Variants in RRP1 observed in about 807,000 individuals in gnomAD.
RRP1 encodes ribosomal RNA processing 1.
RRP1 carries 37 observed loss-of-function variants against 54.6 expected under a neutral mutation model. The ratio of observed to expected loss-of-function variants is 0.68; its 90% confidence interval spans 0.52 to 0.89. RRP1 has a LOEUF of 0.89. RRP1 is among the 40% of genes least tolerant of loss of function. The pLI is 0.00. For missense variants in RRP1, 639 were observed against 612.5 expected (o/e 1.04, Z -0.46); for synonymous variants, 262 against 244.3 (o/e 1.07, Z -0.67).
chr21:43,799,914 AG>A (rs1368418450), intron 9 of RRP1, among the ~76,000 whole-genome samples: 1 of 152,156 alleles, frequency 6.6e-6, no homozygotes, highest in Non-Finnish European at 1.5e-5. Flanking sequence ...TGCATTATCC[AG>A]GGCTGGCCTC....
intron 12 of RRP1, 42 bp from the exon 13 acceptor site, chr21:43,803,470 T>C: frequency 6.6e-7 from 1 of 1,506,898 alleles, no homozygotes; most frequent in Non-Finnish European, 8.9e-7. Flanking sequence ...AAAGAGCCCG[T>C]GTTGGCATTC....
Position 43,789,905 on chromosome 21 carries a change from G to C in RRP1, c.133+143G>C, listed in dbSNP as rs1601863999. The C allele has an allele frequency of 3.9e-6, 4 of 1,036,970 alleles. No individual in the cohort carries two copies. The East Asian group carries it at 1.3e-4, about 34-fold the overall frequency. 64.2% of individuals were successfully genotyped at this position (1,036,970 alleles called of 1,614,324 possible). A position where few individuals can be genotyped will look rare whatever the true frequency, so the allele number is the denominator to read the frequency against. On this transcript the variant is annotated intron_variant, in intron 1 of 12. Transcript: ENST00000497547. ...CCGGGCAGGCGGGGTCCACTGGCCTGTTCCCGCTGTTACCGGCCCACGGCC... is the reference window on the plus strand; with the variant it reads ...CCGGGCAGGCGGGGTCCACTGGCCTCTTCCCGCTGTTACCGGCCCACGGCC...
intron 4 of RRP1, 44 bp downstream of exon 4, chr21:43,793,448 T>C (rs1186342351): frequency 6.5e-7 from 1 of 1,546,642 alleles, no homozygotes; most frequent in African/African-American, 1.4e-5. Context: ...GCAGCGCGGG[T>C]CTCAGTGCCT....
rs200848950 is a variant in RRP1, at chr21:43,789,612, G to C, written c.-18G>C. The C allele has an allele frequency of 5.0e-6, 8 of 1,585,596 alleles. No homozygotes were observed. The South Asian group carries it at 8.0e-5, about 16-fold the overall frequency. On this transcript the variant is annotated 5_prime_UTR_variant, in exon 1 of 13. Transcript: ENST00000497547. ...GTACCAGGCGACTCCGGGACAGGGG[G>C]TCTCGGCCGTCGGCGTCATGGTTTC...
At chr21:43,802,058 C>G (rs974363857) in intron 11 of RRP1, among the ~76,000 whole-genome samples, 8 of 152,160 alleles carry the variant, frequency 5.3e-5, no homozygotes, top group Admixed American at 5.2e-4. Context: ...GTCCTGGATG[C>G]TCCAGGAACT....
At chr21:43,791,267 A>G (rs547881862) in intron 1 of RRP1, 83 bp from the exon 2 acceptor site, 2 of 1,417,556 alleles carry the variant, frequency 1.4e-6, no homozygotes, top group African/African-American at 1.4e-5. Context: ...GGTCTCATTC[A>G]GGCAGTCACG....
chr21:43,797,059 C>T (rs1482368669), intron 5 of RRP1, among the ~76,000 whole-genome samples: 2 of 152,222 alleles, frequency 1.3e-5, no homozygotes, highest in East Asian at 1.9e-4. Flanking sequence ...TGGAGAGGAA[C>T]ACCAGGCAGG....
Position 43,798,101 on chromosome 21 carries a change from G to T in RRP1, c.811+1G>T, listed in dbSNP as rs770778757. On this transcript the variant is annotated splice_donor_variant, in intron 8 of 12. Transcript: ENST00000497547. LOFTEE classifies it high-confidence loss of function. ...AAGAGGTCTGAGAAGCCGCCCGCAG[G>T]TGGGGGTCACACTGCGCCTGGCTTC... 5.0e-6 allele frequency: 8 copies of T among 1,607,464 alleles called. No individual in the cohort carries two copies. The African/African-American group carries it at 8.0e-5, about 16-fold the overall frequency.
In RRP1 at chr21:43,803,662, G is replaced by C. The variant is rs375793237; in HGVS notation, c.1274G>C (p.Arg425Pro). ...RALLRDQPRG[R>P]GQRGARQRRR... Reference sequence around the variant, plus strand: ...CTGCTCCGAGATCAGCCCAGGGGCCGTGGCCAGAGAGGGGCTCGCCAGAGA... The same window carrying C: ...CTGCTCCGAGATCAGCCCAGGGGCCCTGGCCAGAGAGGGGCTCGCCAGAGA... Residue 425 changes from arginine (R) to proline (P), a missense_variant, in exon 13 of 13, where the codon CGT becomes CCT. Coordinates refer to ENST00000497547, the MANE Select transcript of RRP1 (RefSeq NM_003683.6). 1 of 1,551,810 alleles carries C rather than the reference G, an allele frequency of 6.4e-7. No individual in the cohort carries two copies. The highest frequency in any genetic ancestry group is 2.4e-5 in the East Asian group (1 of 41,128).
intron 4 of RRP1, among the ~76,000 whole-genome samples, chr21:43,794,164 C>T (rs1159154797): frequency 6.6e-6 from 1 of 152,138 alleles, no homozygotes; most frequent in African/African-American, 2.4e-5. Flanking sequence ...ATTGTGCAGA[C>T]AGCATATATA....
intron 1 of RRP1, 140 bp from the exon 2 acceptor site, chr21:43,791,210 A>G (rs1256342541): frequency 7.3e-6 from 6 of 819,776 alleles, no homozygotes; most frequent in Non-Finnish European, 1.3e-5. Context: ...TTTGAAGGGG[A>G]GGGCCAGATT....
rs569465294 is a variant in RRP1, at chr21:43,794,551, C to T, written c.361-638C>T. Among the ~76,000 whole-genome samples the T allele has an allele frequency of 3.3e-5, 5 of 152,280 alleles. No homozygotes were observed. In the South Asian group the frequency reaches 8.3e-4, roughly 25 times the overall value. On this transcript the variant is annotated intron_variant, in intron 4 of 12. Coordinates refer to ENST00000497547, the MANE Select transcript of RRP1 (RefSeq NM_003683.6). ...TGTCATCGGGGCTCCTGGGGGTCCG[C>T]GTGTCCTCTGCTGCTACTGACTGCA...
At position 43,800,905 on chromosome 21, in the gene RRP1, A is replaced by G. The variant is rs114739249; in HGVS notation, c.1009+24A>G. The G allele has an allele frequency of 6.6e-4, 1,070 of 1,613,468 alleles. 6 individuals are homozygous for G. The African/African-American group carries it at 0.013, about 19-fold the overall frequency. ...AGGTGAGGATCGGCCGGGCACTGACAGTGGCACCACCTTGGAGGTGGAGCT... is the reference window on the plus strand; with the variant it reads ...AGGTGAGGATCGGCCGGGCACTGACGGTGGCACCACCTTGGAGGTGGAGCT... On this transcript the variant is annotated intron_variant, in intron 11 of 12. Transcript: ENST00000497547.
chr21:43,802,605 C>G (rs1569018718), intron 12 of RRP1: 1 of 535,110 alleles, frequency 1.9e-6, no homozygotes. Context: ...GTCTGCAGCT[C>G]CCCCGAGCTG....
rs753029590 is a variant in RRP1, at chr21:43,802,437, G to A, written c.1123+50G>A. ...ATGGAGCCGGCGTCCTCACCTGCTT[G>A]CTTCTCCCCTGGATGGGGGTCACCT... On this transcript the variant is annotated intron_variant, in intron 12 of 12. Coordinates refer to ENST00000497547, the MANE Select transcript of RRP1 (RefSeq NM_003683.6). 4.1e-6 allele frequency: 6 copies of A among 1,481,408 alleles called. No individual in the cohort carries two copies. The East Asian group carries it at 1.1e-4, about 28-fold the overall frequency. The allele number at this position is 1,481,408 out of a possible 1,614,324, so 91.8% of individuals were successfully genotyped here. A position where few individuals can be genotyped will look rare whatever the true frequency, so the allele number is the denominator to read the frequency against.
chr21:43,801,203 C>T (rs563938706), intron 11 of RRP1, among the ~76,000 whole-genome samples: 7 of 152,170 alleles, frequency 4.6e-5, no homozygotes, highest in Admixed American at 1.3e-4. Flanking sequence ...TTCTTGGCAG[C>T]GCGTGGCGGA....
Position 43,795,994 on chromosome 21 carries a change from G to C in RRP1, c.422+744G>C, listed in dbSNP as rs536164851. Reference sequence around the variant, plus strand: ...GTCTCTACTAAAAGTACAAAAATTAGATAAATGCATAGAAAAGAATTAGCA... The same window carrying C: ...GTCTCTACTAAAAGTACAAAAATTACATAAATGCATAGAAAAGAATTAGCA... On this transcript the variant is annotated intron_variant, in intron 5 of 12. Coordinates refer to ENST00000497547, the MANE Select transcript of RRP1 (RefSeq NM_003683.6). 2.0e-5 allele frequency among the ~76,000 whole-genome samples: 3 copies of C among 152,258 alleles called. No individual in the cohort carries two copies. The South Asian group carries it at 6.2e-4, about 32-fold the overall frequency.
chr21:43,802,251 CT>C (rs962544166), intron 11 of RRP1, 22 bp from the exon 12 acceptor site: 12 of 1,588,912 alleles, frequency 7.6e-6, no homozygotes, highest in Middle Eastern at 1.7e-4. Context: ...CGAGAGCCCC[CT>C]GACTTCTGCC....
At chr21:43,798,988 G>C (rs766253633) in intron 8 of RRP1, among the ~76,000 whole-genome samples, 42 of 147,272 alleles carry the variant, frequency 2.9e-4, no homozygotes, top group Non-Finnish European at 5.3e-4. Flanking sequence ...CTCAGTAGCT[G>C]AGGTGCCTGG....
Sources: allele counts gnomAD v4.1 joint callset (sites outside exome capture counted in the v4.1 genomes callset), GRCh38; gene constraint gnomAD v4.1.1; transcripts MANE v1.5; gene names NCBI Gene and HGNC (gene_info 2026-07-23, HGNC 2026-07-21).